The following UXT variants were observed in gnomAD, a reference collection of about 807,000 sequenced individuals.
UXT encodes protein UXT.
For missense variants in UXT, 111 were observed against 132.7 expected, an observed-to-expected ratio of 0.84 and a Z score of 0.80; for synonymous variants, 54 against 52.8, an observed-to-expected ratio of 1.02 and a Z score of -0.10.
At chrX:47,657,457 G>T in intron 3 of UXT, 115 bp downstream of exon 4, 1 of 846,204 alleles carries the variant, frequency 1.2e-6, no homozygotes, top group Non-Finnish European at 1.7e-6. Context: ...ATCCTACTGG[G>T]ATATAAAACC....
chrX:47,657,019 A>T, intron 4 of UXT, 164 bp downstream of exon 5: 1 of 442,858 alleles, frequency 2.3e-6, no homozygotes, highest in Non-Finnish European at 3.9e-6. Flanking sequence ...TTGAGTGCTT[A>T]TTATGTGCTA....
intron 4 of UXT, among the ~76,000 whole-genome samples, chrX:47,656,278 A>G (rs963947286): frequency 4.5e-5 from 5 of 111,987 alleles, no homozygotes; most frequent in African/African-American, 1.6e-4. Flanking sequence ...GTAGTATGCT[A>G]TGATCGCAGC....
chrX:47,657,034 TG>T, intron 4 of UXT, 148 bp downstream of exon 5: 1 of 469,927 alleles, frequency 2.1e-6, no homozygotes, highest in Non-Finnish European at 3.7e-6. Context: ...GTGCTACACA[TG>T]GGCTTTGCAA....
chrX:47,657,925 T>C, intron 1 of UXT, 62 bp from the exon 3 acceptor site: 1 of 916,992 alleles, frequency 1.1e-6, no homozygotes, highest in Non-Finnish European at 1.5e-6. Context: ...GTATACCTCA[T>C]ATCATGACCC....
Position 47,659,158 on chromosome X carries a change from T to A in UXT, c.-195A>T, listed in dbSNP as rs2058095376. ...AGAACGGTTGGTAGGAACCGCGGCTTCCGGGTGGCGCGGGTGAATGACGTA... is the reference window on the plus strand; with the variant it reads ...AGAACGGTTGGTAGGAACCGCGGCTACCGGGTGGCGCGGGTGAATGACGTA... On this transcript the variant is annotated 5_prime_UTR_variant, in exon 1 of 6. Transcript: ENST00000335890. The A allele has an allele frequency of 1.3e-5, 8 of 617,129 alleles. No individual in the cohort carries two copies. Among genetic ancestry groups the A allele is most frequent in the Non-Finnish European group, 1.8e-5 (7 of 384,929 alleles). The allele number at this position is 617,129 out of a possible 1,213,427, so 50.9% of individuals were successfully genotyped here. A position where few individuals can be genotyped will look rare whatever the true frequency, so the allele number is the denominator to read the frequency against.
rs1451110848 is a variant in UXT, at chrX:47,653,261, A to G, written c.393-1117T>C. 2.7e-5 allele frequency among the ~76,000 whole-genome samples: 3 copies of G among 112,189 alleles called. No homozygotes were observed. In the Admixed American group the frequency reaches 2.8e-4, roughly 11 times the overall value. ...TACTGTTGGAAAAGCAGAGAGCAAT[A>G]AGATAGGATGTTAAATTGGAAAAAA... On this transcript the variant is annotated intron_variant, in intron 4 of 5. Transcript: ENST00000335890.
At chrX:47,657,471 C>T (rs1299095154) in intron 3 of UXT, 101 bp downstream of exon 4, 19 of 919,820 alleles carry the variant, frequency 2.1e-5, no homozygotes, top group Middle Eastern at 3.2e-4. Flanking sequence ...TAAAACCTCG[C>T]ATAGTGCCTG....
chrX:47,652,829 C>T (rs1026909167), intron 4 of UXT, among the ~76,000 whole-genome samples: 1 of 111,707 alleles, frequency 9.0e-6, no homozygotes, highest in Admixed American at 9.5e-5. Flanking sequence ...GAGATGGGAG[C>T]CAAGGGAAGG....
chrX:47,659,032 C>A lies in UXT; in HGVS notation c.-69G>T. ...CTCTCAACGCTGGGAATCGGCTTGT[C>A]CGGCTCAAGCTGGAGGTTCAGCCTT... On this transcript the variant is annotated 5_prime_UTR_variant, in exon 1 of 6. Coordinates refer to ENST00000335890, the MANE Select transcript of UXT (RefSeq NM_153477.3). 1 of 1,198,796 alleles carries A rather than the reference C, an allele frequency of 8.3e-7. No homozygotes were observed. The highest frequency in any genetic ancestry group is 1.1e-6 in the Non-Finnish European group (1 of 885,996).
At position 47,651,905 on chromosome X, in the gene UXT, A is replaced by C; in HGVS notation, c.457-10T>G. 1 of 1,209,801 alleles carries C rather than the reference A, an allele frequency of 8.3e-7. No homozygotes were observed. Among genetic ancestry groups the C allele is most frequent in the Non-Finnish European group, 1.1e-6 (1 of 894,458 alleles). ...GTAGTTCTCTAAGCCCCTGAAAAAGAGGACAGAAGAGATTGAACAAAGACT... is the reference window on the plus strand; with the variant it reads ...GTAGTTCTCTAAGCCCCTGAAAAAGCGGACAGAAGAGATTGAACAAAGACT... On this transcript the variant is annotated splice_polypyrimidine_tract_variant and intron_variant, in intron 5 of 5. Transcript: ENST00000335890.
intron 4 of UXT, among the ~76,000 whole-genome samples, chrX:47,656,188 G>A (rs944291638): frequency 1.8e-5 from 2 of 111,708 alleles, no homozygotes; most frequent in Non-Finnish European, 3.8e-5. Context: ...ACACAAAGCC[G>A]GGTACAGCAG....
intron 4 of UXT, among the ~76,000 whole-genome samples, chrX:47,653,128 C>G (rs2058073152): frequency 9.0e-6 from 1 of 111,024 alleles, no homozygotes; most frequent in Non-Finnish European, 1.9e-5. Context: ...AGACAAGGTC[C>G]AAGAGATAGG....
chrX:47,658,541 G>A (rs758024159), intron 1 of UXT, among the ~76,000 whole-genome samples: 1 of 112,188 alleles, frequency 8.9e-6, no homozygotes, highest in South Asian at 3.7e-4. Context: ...GTATTCACAA[G>A]GATGAAGAAT....
At chrX:47,656,734 G>A (rs1450351749) in intron 4 of UXT, among the ~76,000 whole-genome samples, 2 of 111,888 alleles carry the variant, frequency 1.8e-5, no homozygotes, top group Non-Finnish European at 3.8e-5. Context: ...ATGTGAAGGT[G>A]AGTGTGGCAG....
chrX:47,653,050 A>G (rs2058072836), intron 4 of UXT, among the ~76,000 whole-genome samples: 1 of 112,075 alleles, frequency 8.9e-6, no homozygotes, highest in Admixed American at 9.5e-5. Flanking sequence ...ACAAGAGGCA[A>G]CAAAGAGCTG....
At chrX:47,654,483 G>A (rs2058077846) in intron 4 of UXT, among the ~76,000 whole-genome samples, 1 of 111,184 alleles carries the variant, frequency 9.0e-6, no homozygotes, top group South Asian at 3.8e-4. Context: ...TGGGATTACA[G>A]GTGTGAGCCA....
intron 1 of UXT, 124 bp downstream of exon 2, chrX:47,658,706 C>T (rs1203721299): frequency 4.1e-6 from 4 of 968,361 alleles, no homozygotes. Context: ...CTTCTCGCTC[C>T]AAGGAGCGCG....
In UXT at chrX:47,652,191, T is replaced by C. The variant is rs754326691; in HGVS notation, c.393-47A>G. The C allele has an allele frequency of 1.2e-4, 132 of 1,071,194 alleles. No individual in the cohort carries two copies. The East Asian group carries it at 3.6e-3, about 29-fold the overall frequency. The allele number at this position is 1,071,194 out of a possible 1,213,427, so 88.3% of individuals were successfully genotyped here. A position where few individuals can be genotyped will look rare whatever the true frequency, so the allele number is the denominator to read the frequency against. On this transcript the variant is annotated intron_variant, in intron 4 of 5. Transcript: ENST00000335890. The stretch of plus-strand genomic sequence containing the variant: ...GGGCAAAATGGGCCCCACATGATTA[T>C]GATGACCCTTCCTTATCACTTCAAG...
intron 3 of UXT, 53 bp from the exon 5 acceptor site, chrX:47,657,343 CA>C: frequency 1.9e-6 from 2 of 1,046,274 alleles, no homozygotes; most frequent in Non-Finnish European, 2.6e-6. Flanking sequence ...CACTGTTTAG[CA>C]TAGTTTATGT....
Sources: allele counts gnomAD v4.1 joint callset (sites outside exome capture counted in the v4.1 genomes callset), GRCh38; gene constraint gnomAD v4.1.1; transcripts MANE v1.5; gene names NCBI Gene and HGNC (gene_info 2026-07-23, HGNC 2026-07-21).